Variants in PCDH15 observed in about 807,000 individuals in gnomAD.
PCDH15 encodes the protein protocadherin-15.
A neutral mutation model predicts 178.5 loss-of-function variants in PCDH15; 129 were observed. The observed-to-expected ratio is 0.72, with a 90% CI of 0.63 to 0.84. PCDH15 has a LOEUF of 0.84. Among genes scored for constraint, PCDH15 ranks in the 40% least tolerant of loss-of-function variants. The pLI, the probability that PCDH15 is intolerant of heterozygous loss-of-function variation, is 0.00. For missense variants in PCDH15, 2,230 were observed against 2,099.9 expected (o/e 1.06, Z -1.21); for synonymous variants, 800 against 732.0 (o/e 1.09, Z -1.50).
intron 5 of PCDH15, among the ~76,000 whole-genome samples, chr10:54,362,807 C>T (rs1413541984): frequency 6.6e-6 from 1 of 151,974 alleles, no homozygotes; most frequent in African/African-American, 2.4e-5. Context: ...TGAATAAATA[C>T]ATAATTTCTC....
intron 2 of PCDH15, among the ~76,000 whole-genome samples, chr10:55,577,935 G>C (rs762774875): frequency 3.3e-4 from 50 of 152,158 alleles, no homozygotes; most frequent in Non-Finnish European, 5.9e-4. Context: ...TTTTAATTAA[G>C]AAAGGTTAAA....
intron 2 of PCDH15, among the ~76,000 whole-genome samples, chr10:54,561,980 CTTTTTT>C (rs575547228): frequency 0.19 from 14,261 of 74,960 alleles, 1,108 homozygotes; most frequent in Middle Eastern, 0.34. Flanking sequence ...CCGCACCCAG[CTTTTTT>C]TTTTTTTTTT....
intron 1 of PCDH15, among the ~76,000 whole-genome samples, chr10:55,227,926 A>G (rs1043857815): frequency 6.6e-6 from 1 of 152,070 alleles, no homozygotes; most frequent in Non-Finnish European, 1.5e-5. Context: ...CAGATTTGAC[A>G]GCCCCCCCAT....
At chr10:53,866,922 CT>C in intron 26 of PCDH15, 65 bp from the exon 27 acceptor site, 1 of 1,159,386 alleles carries the variant, frequency 8.6e-7, no homozygotes, top group East Asian at 2.4e-5. Flanking sequence ...TATGAAATGG[CT>C]TACTTTTGTT....
chr10:55,078,551 A>C (rs1305804583), intron 2 of PCDH15, among the ~76,000 whole-genome samples: 1 of 152,008 alleles, frequency 6.6e-6, no homozygotes, highest in Non-Finnish European at 1.5e-5. Context: ...TTATTTCAGA[A>C]TACCTGTCTT....
intron 3 of PCDH15, among the ~76,000 whole-genome samples, chr10:54,823,218 C>CACAA (rs1356510024): frequency 1.1e-4 from 16 of 147,174 alleles, no homozygotes; most frequent in East Asian, 9.9e-4. Context: ...CACACACACA[C>CACAA]ACACACACGC....
At chr10:53,844,092 G>A (rs2077823416) in intron 28 of PCDH15, among the ~76,000 whole-genome samples, 1 of 151,738 alleles carries the variant, frequency 6.6e-6, no homozygotes, top group Non-Finnish European at 1.5e-5. Context: ...TAAGAAAAGA[G>A]AATTGCTAAC....
intron 1 of PCDH15, among the ~76,000 whole-genome samples, chr10:55,202,308 TAG>T (rs776620544): frequency 6.6e-6 from 1 of 152,040 alleles, no homozygotes; most frequent in Non-Finnish European, 1.5e-5. Context: ...GCTGCTAGGG[TAG>T]AGACAGCAAA....
At chr10:54,932,786 C>T (rs1367378092) in intron 2 of PCDH15, among the ~76,000 whole-genome samples, 1 of 152,082 alleles carries the variant, frequency 6.6e-6, no homozygotes, top group African/African-American at 2.4e-5. Context: ...ATCCACCCGC[C>T]TCGGCCTCCT....
chr10:54,561,352 G>A (rs1369008678), intron 2 of PCDH15, among the ~76,000 whole-genome samples: 3 of 152,052 alleles, frequency 2.0e-5, no homozygotes, highest in Non-Finnish European at 2.9e-5. Context: ...GTTCAAAAGT[G>A]AGTAAACCCT....
At chr10:55,364,958 T>C (rs1417963637) in intron 2 of PCDH15, among the ~76,000 whole-genome samples, 1 of 152,198 alleles carries the variant, frequency 6.6e-6, no homozygotes, top group Non-Finnish European at 1.5e-5. Context: ...TTTCAATTGG[T>C]TCTTTAAAAA....
At chr10:54,229,421 G>T (rs1397877010) in intron 9 of PCDH15, among the ~76,000 whole-genome samples, 1 of 152,198 alleles carries the variant, frequency 6.6e-6, no homozygotes, top group East Asian at 1.9e-4. Context: ...GATCATAAAA[G>T]TTATGTATTC....
chr10:54,600,653 C>G (rs149586737), intron 2 of PCDH15: 1 of 569,330 alleles, frequency 1.8e-6, no homozygotes, highest in Admixed American at 2.0e-5. Flanking sequence ...CTTCACATGC[C>G]GTAATAAAGG....
At chr10:54,166,414 A>C (rs564510031) in intron 13 of PCDH15, among the ~76,000 whole-genome samples, 1 of 152,296 alleles carries the variant, frequency 6.6e-6, no homozygotes, top group South Asian at 2.1e-4. Context: ...ATCACCTAAA[A>C]ATCTGTGTAG....
At chr10:54,439,928 A>G (rs1160671591) in intron 3 of PCDH15, among the ~76,000 whole-genome samples, 1 of 152,098 alleles carries the variant, frequency 6.6e-6, no homozygotes, top group South Asian at 2.1e-4. Context: ...TATATGAACT[A>G]CGAATAGATT....
At chr10:54,575,629 C>T (rs1262456128) in intron 2 of PCDH15, among the ~76,000 whole-genome samples, 1 of 151,638 alleles carries the variant, frequency 6.6e-6, no homozygotes, top group African/African-American at 2.4e-5. Context: ...TCTTGTTCTA[C>T]TGGGCTTACT....
chr10:54,019,172 C>G (rs985006170), intron 20 of PCDH15, among the ~76,000 whole-genome samples: 11 of 151,936 alleles, frequency 7.2e-5, no homozygotes, highest in African/African-American at 2.7e-4. Context: ...TTAAATAAGA[C>G]TTTTTTAAGT....
intron 1 of PCDH15, among the ~76,000 whole-genome samples, chr10:54,732,066 C>G (rs747978955): frequency 3.3e-5 from 5 of 149,942 alleles, no homozygotes; most frequent in Non-Finnish European, 7.4e-5. Context: ...ATATGTACAT[C>G]TATTATGAAT....
intron 2 of PCDH15, among the ~76,000 whole-genome samples, chr10:55,140,007 GA>G (rs1449451975): frequency 6.6e-6 from 1 of 151,814 alleles, no homozygotes; most frequent in Non-Finnish European, 1.5e-5. Context: ...TTACACCTAA[GA>G]AAAGAATTTT....
Sources: gnomAD v4.1 joint callset for allele counts (sites outside exome capture counted in the v4.1 genomes callset) on GRCh38, gnomAD v4.1.1 for gene constraint, MANE v1.5 for transcripts, NCBI Gene and HGNC (gene_info 2026-07-23, HGNC 2026-07-21) for gene names.